The following ASIC2 variants were observed in gnomAD, a reference collection of about 807,000 sequenced individuals.
ASIC2 encodes the protein acid-sensing ion channel 2.
ASIC2 carries 25 observed loss-of-function variants against 57.3 expected under a neutral mutation model. The observed-to-expected ratio is 0.44, with a 90% CI of 0.32 to 0.61. The LOEUF (loss-of-function observed/expected upper bound fraction) is 0.61. Ranked by LOEUF, ASIC2 falls within the 20% of genes least tolerant of loss-of-function variation. ASIC2 has a pLI of 0.06. For synonymous variants in ASIC2, 319 were observed against 307.5 expected (o/e 1.04, Z -0.39); for missense variants, 641 against 738.1 (o/e 0.87, Z 1.52).
chr17:33,490,668 G>A (rs1043749920), intron 1 of ASIC2, among the ~76,000 whole-genome samples: 9 of 152,150 alleles, frequency 5.9e-5, no homozygotes, highest in African/African-American at 1.9e-4. Context: ...CCCTGATTGC[G>A]AGGCCTCCCC....
chr17:34,077,131 A>T (rs2142074672), intron 1 of ASIC2, among the ~76,000 whole-genome samples: 1 of 152,290 alleles, frequency 6.6e-6, no homozygotes, highest in Non-Finnish European at 1.5e-5. Flanking sequence ...CTGGCTCCAG[A>T]GCCTCCTCTT....
chr17:34,145,083 C>T (rs191393670), intron 1 of ASIC2, among the ~76,000 whole-genome samples: 1 of 152,220 alleles, frequency 6.6e-6, no homozygotes, highest in Non-Finnish European at 1.5e-5. Flanking sequence ...CTGGGAACTG[C>T]CTCTTGAGGA....
At position 33,256,021 on chromosome 17, in the gene ASIC2, C is replaced by T. The variant is rs557126760; in HGVS notation, c.708+35387G>A. 1.2e-4 allele frequency among the ~76,000 whole-genome samples: 18 copies of T among 152,164 alleles called. No individual in the cohort carries two copies. The East Asian group carries it at 2.9e-3, about 24-fold the overall frequency. On this transcript the variant is annotated intron_variant, in intron 1 of 9. Coordinates refer to ENST00000225823, the MANE Select transcript of ASIC2 (RefSeq NM_183377.2). ...GTTTAATTCACACTAGGAAAAAAAACGCATTACAGATTCATACATCACTAT... is the reference window on the plus strand; with the variant it reads ...GTTTAATTCACACTAGGAAAAAAAATGCATTACAGATTCATACATCACTAT...
At chr17:33,697,712 G>T (rs1908570066) in intron 1 of ASIC2, among the ~76,000 whole-genome samples, 1 of 152,176 alleles carries the variant, frequency 6.6e-6, no homozygotes, top group South Asian at 2.1e-4. Flanking sequence ...CTTGACTAAG[G>T]ACTGCTGCTC....
rs148016427 is a variant in ASIC2 at position 33,336,288 on chromosome 17, T to C, written c.556-224221A>G. Among the ~76,000 whole-genome samples the C allele has an allele frequency of 3.9e-4, 59 of 152,278 alleles. 1 individual carries two copies. In the East Asian group the frequency reaches 0.01, roughly 27 times the overall value. On this transcript the variant is annotated intron_variant, in intron 1 of 9. Coordinates refer to the ASIC2 transcript ENST00000359872. The stretch of plus-strand genomic sequence containing the variant: ...GAGGAAGGGGCAGTGTCAAGCCACA[T>C]TGGAACCTGAAGCAAAAGGAGAAAT...
chr17:33,796,235 T>C (rs1911916004), intron 1 of ASIC2, among the ~76,000 whole-genome samples: 1 of 152,158 alleles, frequency 6.6e-6, no homozygotes, highest in African/African-American at 2.4e-5. Context: ...CTGTGCTCCC[T>C]GGGAAACATG....
intron 1 of ASIC2, among the ~76,000 whole-genome samples, chr17:34,143,546 G>T (rs1429195743): frequency 6.6e-6 from 1 of 152,174 alleles, no homozygotes; most frequent in Non-Finnish European, 1.5e-5. Flanking sequence ...CATGCATCTG[G>T]TTCCCCTCCC....
chr17:33,680,934 C>T (rs1045817630), intron 1 of ASIC2: 1 of 152,206 alleles, frequency 6.6e-6, no homozygotes, highest in Admixed American at 6.5e-5. Flanking sequence ...AAGCTTCAGG[C>T]CTCACAAAAC....
At chr17:33,153,239 C>T (rs556097226) in intron 1 of ASIC2, among the ~76,000 whole-genome samples, 10 of 152,222 alleles carry the variant, frequency 6.6e-5, no homozygotes, top group Non-Finnish European at 7.3e-5. Flanking sequence ...GTGGGGTTCT[C>T]CCCGATGCTC....
Position 33,854,300 on chromosome 17 carries a change from G to A in ASIC2, c.555+301678C>T, listed in dbSNP as rs554141786. ...CTACTTATAAGCTGATGTGCAGGCA[G>A]TATGCATGGGTATTGGTCATGTGTG... is the stretch of plus-strand genomic sequence containing the variant. On this transcript the variant is annotated intron_variant, in intron 1 of 9. Transcript: ENST00000359872. Among the ~76,000 whole-genome samples the A allele has an allele frequency of 2.6e-5, 4 of 152,316 alleles. No homozygotes were observed. The East Asian group carries it at 5.8e-4, about 22-fold the overall frequency.
intron 1 of ASIC2, among the ~76,000 whole-genome samples, chr17:33,808,253 G>T (rs1458801915): frequency 1.3e-5 from 2 of 152,204 alleles, no homozygotes; most frequent in African/African-American, 4.8e-5. Flanking sequence ...GCATGCGAAT[G>T]CTGTCCCAGC....
chr17:33,710,104 G>C (rs935475348), intron 1 of ASIC2, among the ~76,000 whole-genome samples: 5 of 152,202 alleles, frequency 3.3e-5, no homozygotes, highest in African/African-American at 1.2e-4. Flanking sequence ...TCATGGGTCT[G>C]CATGGATCCT....
chr17:33,038,447 A>G (rs913504814), intron 3 of ASIC2, among the ~76,000 whole-genome samples: 1 of 152,124 alleles, frequency 6.6e-6, no homozygotes, highest in African/African-American at 2.4e-5. Flanking sequence ...GAGCTGGGAG[A>G]GAGATCTGGG....
intron 1 of ASIC2, among the ~76,000 whole-genome samples, chr17:33,766,349 TC>T (rs1446263866): frequency 6.6e-6 from 1 of 152,158 alleles, no homozygotes; most frequent in African/African-American, 2.4e-5. Context: ...TTGGAATGTA[TC>T]CCCTACAGAT....
At chr17:33,163,162 G>A (rs1905209724) in intron 1 of ASIC2, among the ~76,000 whole-genome samples, 1 of 152,202 alleles carries the variant, frequency 6.6e-6, no homozygotes, top group Non-Finnish European at 1.5e-5. Flanking sequence ...CAACTCTGCA[G>A]ATCATGGAGA....
intron 1 of ASIC2, among the ~76,000 whole-genome samples, chr17:34,128,390 C>A (rs371599681): frequency 9.4e-5 from 14 of 148,362 alleles, no homozygotes; most frequent in African/African-American, 3.6e-4. Flanking sequence ...ATCAAGGGAA[C>A]CATGAACCTC....
At chr17:33,171,419 A>G (rs116400371) in intron 1 of ASIC2, among the ~76,000 whole-genome samples, 2,280 of 152,316 alleles carry the variant, frequency 0.015, 61 homozygotes, top group African/African-American at 0.05. Context: ...GAGCCATCAC[A>G]CATCCAGTTG....
intron 1 of ASIC2, among the ~76,000 whole-genome samples, chr17:34,029,837 G>A (rs1907523551): frequency 1.3e-5 from 2 of 152,126 alleles, no homozygotes; most frequent in Admixed American, 1.3e-4. Context: ...ACCTGTCTAT[G>A]GTATTTTGTG....
intron 3 of ASIC2, among the ~76,000 whole-genome samples, chr17:33,063,062 C>T (rs779193594): frequency 5.3e-5 from 8 of 152,144 alleles, no homozygotes; most frequent in South Asian, 2.1e-4. Flanking sequence ...GTGTCCCTCA[C>T]GTGAGATGGG....
Sources: allele counts gnomAD v4.1 joint callset (sites outside exome capture counted in the v4.1 genomes callset), GRCh38; gene constraint gnomAD v4.1.1; transcripts MANE v1.5; gene names NCBI Gene and HGNC (gene_info 2026-07-23, HGNC 2026-07-21).